MTUS1: variants seen among roughly 807,000 people sequenced by gnomAD.
MTUS1 encodes microtubule-associated tumor suppressor 1.
A neutral mutation model predicts 120.8 loss-of-function variants in MTUS1; 109 were observed. That is an observed-to-expected ratio of 0.90 (90% CI 0.77 to 1.06). The LOEUF is 1.06. Among genes scored for constraint, MTUS1 ranks in the 50% least tolerant of loss-of-function variants. MTUS1 has a pLI of 0.00. For synonymous variants in MTUS1, 737 were observed against 550.5 expected (o/e 1.34, Z -4.74); for missense variants, 2,210 against 1,486.3 (o/e 1.49, Z -8.01).
At position 17,654,673 on chromosome 8, in the gene MTUS1, G is replaced by C; in HGVS notation, c.3109-7C>G. 6.2e-7 allele frequency: 1 copy of C among 1,605,450 alleles called. No homozygotes were observed. On this transcript the variant is annotated splice_polypyrimidine_tract_variant and splice_region_variant and intron_variant, in intron 9 of 14. Transcript: ENST00000693296. Reference sequence around the variant, plus strand: ...CAGCATTTAAGTTGTCAAACTGTAAGCAACAAACAAAACCGTGGTTTAACA... The same window carrying C: ...CAGCATTTAAGTTGTCAAACTGTAACCAACAAACAAAACCGTGGTTTAACA...
intron 1 of MTUS1, among the ~76,000 whole-genome samples, chr8:17,779,974 G>T (rs2050745917): frequency 6.6e-6 from 1 of 152,192 alleles, no homozygotes; most frequent in Non-Finnish European, 1.5e-5. Context: ...ACATGGGTTG[G>T]ATGTGTGTCC....
chr8:17,772,473 A>G (rs1487628311), intron 1 of MTUS1, among the ~76,000 whole-genome samples: 1 of 152,216 alleles, frequency 6.6e-6, no homozygotes, highest in Non-Finnish European at 1.5e-5. Flanking sequence ...ATATCTGCTA[A>G]AACATAATTA....
intron 8 of MTUS1, 36 bp from the exon 9 acceptor site, chr8:17,656,101 T>C (rs935057124): frequency 5.0e-6 from 8 of 1,593,282 alleles, no homozygotes; most frequent in Non-Finnish European, 6.9e-6. Context: ...GAAGAGGTCA[T>C]TTTATTTGTG....
At chr8:17,702,530 C>T (rs1416367820) in intron 6 of MTUS1, among the ~76,000 whole-genome samples, 2 of 152,108 alleles carry the variant, frequency 1.3e-5, no homozygotes, top group Non-Finnish European at 2.9e-5. Context: ...AAACCTTGTA[C>T]CATTGAACAT....
At chr8:17,667,597 A>G (rs556329502) in intron 8 of MTUS1, among the ~76,000 whole-genome samples, 3 of 152,356 alleles carry the variant, frequency 2.0e-5, no homozygotes, top group South Asian at 2.1e-4. Context: ...CATTTTAACA[A>G]TATTTCTTAA....
At chr8:17,790,183 A>T (rs1407524508) in intron 1 of MTUS1, among the ~76,000 whole-genome samples, 1 of 151,950 alleles carries the variant, frequency 6.6e-6, no homozygotes, top group Non-Finnish European at 1.5e-5. Context: ...CCCACCTCTA[A>T]TAAAAATACA....
At chr8:17,762,225 G>A (rs141295448) in intron 1 of MTUS1, among the ~76,000 whole-genome samples, 1 of 152,076 alleles carries the variant, frequency 6.6e-6, no homozygotes, top group Non-Finnish European at 1.5e-5. Context: ...GTCGCAGTGA[G>A]CCGAGATCAC....
chr8:17,786,487 G>C (rs185533198), intron 1 of MTUS1, among the ~76,000 whole-genome samples: 3 of 152,192 alleles, frequency 2.0e-5, no homozygotes, highest in Admixed American at 2.0e-4. Context: ...GCCTCAGATA[G>C]GAAGCGTGAA....
intron 1 of MTUS1, among the ~76,000 whole-genome samples, chr8:17,787,259 T>C (rs895752608): frequency 7.9e-5 from 12 of 152,190 alleles, no homozygotes; most frequent in Non-Finnish European, 1.5e-4. Context: ...TGCACAGCTC[T>C]TCAAAGTCCA....
chr8:17,676,565 A>G, intron 7 of MTUS1: 2 of 564,210 alleles, frequency 3.5e-6, no homozygotes, highest in East Asian at 2.9e-5. Flanking sequence ...GTGATTACTT[A>G]AAGCCACAGC....
intron 1 of MTUS1, among the ~76,000 whole-genome samples, chr8:17,775,883 G>A (rs559962165): frequency 2.6e-5 from 4 of 152,300 alleles, no homozygotes; most frequent in African/African-American, 4.8e-5. Flanking sequence ...GCATGACTAC[G>A]CAGGCATTTC....
Position 17,674,913 on chromosome 8 carries a change from AT to A in MTUS1, c.2905+272del, listed in dbSNP as rs147364784. 101 of 1,240,210 alleles carry A rather than the reference AT, an allele frequency of 8.1e-5. No individual in the cohort carries two copies. The East Asian group carries it at 3.1e-3, about 38-fold the overall frequency. The allele number at this position is 1,240,210 out of a possible 1,614,324, so 76.8% of individuals were successfully genotyped here. ...AACAGGAATTCACACAATTACAAAAATAACTCTGTCCCTCTCTTCAGCAAGA... is the reference window on the plus strand; with the variant it reads ...AACAGGAATTCACACAATTACAAAAAAACTCTGTCCCTCTCTTCAGCAAGA... On this transcript the variant is annotated intron_variant, in intron 8 of 14. Coordinates refer to ENST00000693296, the MANE Select transcript of MTUS1 (RefSeq NM_001363059.2).
chr8:17,727,474 T>C (rs555263509), intron 3 of MTUS1, among the ~76,000 whole-genome samples: 1 of 152,328 alleles, frequency 6.6e-6, no homozygotes, highest in South Asian at 2.1e-4. Flanking sequence ...CAGGAGCTCC[T>C]ACAGCGGAAT....
intron 1 of MTUS1, among the ~76,000 whole-genome samples, chr8:17,757,443 C>T (rs192715470): frequency 5.3e-5 from 8 of 152,288 alleles, no homozygotes; most frequent in African/African-American, 1.9e-4. Flanking sequence ...ATGTTATATA[C>T]TGAAAACTAC....
intron 7 of MTUS1, 56 bp downstream of exon 7, chr8:17,684,272 C>A: frequency 1.5e-6 from 2 of 1,307,458 alleles, no homozygotes; most frequent in Admixed American, 3.4e-5. Context: ...AGCAAGTCCT[C>A]CCCGTGCTCC....
chr8:17,649,678 A>G (rs942207602), intron 13 of MTUS1, among the ~76,000 whole-genome samples, 168 bp downstream of exon 13: 1 of 152,260 alleles, frequency 6.6e-6, no homozygotes, highest in African/African-American at 2.4e-5. Flanking sequence ...GGCAGCAATG[A>G]ATAAATATGG....
In MTUS1 at chr8:17,684,482, T is replaced by C. The variant is rs1815324679; in HGVS notation, c.2684A>G (p.Asp895Gly). The part of the protein sequence containing the change: ...SLCIQPQTAP[D>G]ALPPEKTLEL... ...AAGTGTTTTCTCAGGGGGCAGCGCATCGGGAGCTGTCTGTGGCTGGATACA... is the reference window on the plus strand; with the variant it reads ...AAGTGTTTTCTCAGGGGGCAGCGCACCGGGAGCTGTCTGTGGCTGGATACA... Residue 895 changes from aspartate (D) to glycine (G), a missense_variant, in exon 7 of 15, where the codon GAT (aspartate) becomes GGT (glycine). Transcript: ENST00000693296. 1 of 1,614,234 alleles carries C rather than the reference T, an allele frequency of 6.2e-7. No homozygotes were observed. Among genetic ancestry groups the C allele is most frequent in the Non-Finnish European group, 8.5e-7 (1 of 1,180,030 alleles).
At chr8:17,686,988 T>G (rs1298651718) in intron 6 of MTUS1, among the ~76,000 whole-genome samples, 2 of 152,186 alleles carry the variant, frequency 1.3e-5, no homozygotes, top group Non-Finnish European at 2.9e-5. Flanking sequence ...AATACTTAGC[T>G]ATGAAGGAAA....
chr8:17,786,798 C>T (rs559362687), intron 1 of MTUS1, among the ~76,000 whole-genome samples: 6 of 152,246 alleles, frequency 3.9e-5, no homozygotes, highest in South Asian at 4.1e-4. Context: ...TAAGGTGCTA[C>T]GTTAACAACC....
Sources: allele counts gnomAD v4.1 joint callset (sites outside exome capture counted in the v4.1 genomes callset), GRCh38; gene constraint gnomAD v4.1.1; transcripts MANE v1.5; gene names NCBI Gene and HGNC (gene_info 2026-07-23, HGNC 2026-07-21).